The following RFC4 variants were observed in gnomAD, a reference collection of about 807,000 sequenced individuals.
RFC4 encodes the protein A1 37 kDa subunit.
A neutral mutation model predicts 47.6 loss-of-function variants in RFC4; 38 were observed. That is an observed-to-expected ratio of 0.80 (90% CI 0.62 to 1.05). RFC4 has a LOEUF of 1.05. RFC4 is among the 50% of genes least tolerant of loss of function. The probability of loss-of-function intolerance (pLI) is 0.00; values close to 1 mark genes in which losing one functional copy is unlikely to be tolerated. For synonymous variants in RFC4, 164 were observed against 150.0 expected (o/e 1.09, Z -0.68); for missense variants, 489 against 434.0 (o/e 1.13, Z -1.13).
chr3:186,794,862 TA>T, intron 4 of RFC4, 85 bp from the exon 5 acceptor site: 1 of 1,451,134 alleles, frequency 6.9e-7, no homozygotes, highest in Non-Finnish European at 9.5e-7. Flanking sequence ...TGCAGACGTT[TA>T]AAATCCACCT....
At chr3:186,794,798 T>C (rs1195586731) in intron 4 of RFC4, 21 bp from the exon 5 acceptor site, 10 of 1,612,710 alleles carry the variant, frequency 6.2e-6, no homozygotes, top group East Asian at 2.2e-5. Context: ...ATGAAACAAA[T>C]ATGAAACATA....
At chr3:186,795,181 C>T (rs1722218461) in intron 4 of RFC4, among the ~76,000 whole-genome samples, 1 of 152,074 alleles carries the variant, frequency 6.6e-6, no homozygotes, top group South Asian at 2.1e-4. Context: ...ATTTTGTTTA[C>T]TTTTTGTAGA....
chr3:186,797,408 T>TA, intron 4 of RFC4, 127 bp downstream of exon 4: 1 of 635,704 alleles, frequency 1.6e-6, no homozygotes, highest in Admixed American at 2.7e-5. Context: ...ATGGGATTTT[T>TA]AAAAATCAGA....
At chr3:186,791,695 A>G in intron 8 of RFC4, 30 bp downstream of exon 8, 1 of 1,609,544 alleles carries the variant, frequency 6.2e-7, no homozygotes, top group South Asian at 1.1e-5. Context: ...AGCCAACTAA[A>G]AAGAAATTCA....
At chr3:186,790,444 G>C in intron 8 of RFC4, 38 bp from the exon 9 acceptor site, 1 of 1,436,672 alleles carries the variant, frequency 7.0e-7, no homozygotes, top group Non-Finnish European at 9.8e-7. Flanking sequence ...GATGTTTCTA[G>C]GTGAGACTAG....
intron 2 of RFC4, among the ~76,000 whole-genome samples, chr3:186,804,124 A>T (rs1230980617): frequency 1.3e-5 from 2 of 152,128 alleles, no homozygotes; most frequent in African/African-American, 4.8e-5. Context: ...TGGAGGTTGC[A>T]GTGAGTCGAG....
chr3:186,790,114 C>G (rs757561093), intron 10 of RFC4, 28 bp downstream of exon 10: 2 of 1,603,174 alleles, frequency 1.2e-6, no homozygotes, highest in African/African-American at 1.3e-5. Context: ...TTAAATGTTC[C>G]ATTGACATGT....
intron 3 of RFC4, among the ~76,000 whole-genome samples, chr3:186,800,236 C>T (rs1423884334): frequency 1.3e-5 from 2 of 152,112 alleles, no homozygotes; most frequent in Admixed American, 6.5e-5. Context: ...GGATTACAGG[C>T]GTGAGCCACT....
intron 3 of RFC4, among the ~76,000 whole-genome samples, chr3:186,800,421 C>T (rs1041555267): frequency 6.6e-6 from 1 of 152,174 alleles, no homozygotes; most frequent in African/African-American, 2.4e-5. Context: ...TAATTAAAAG[C>T]AGCCAGATTG....
At chr3:186,791,002 G>C (rs866253151) in intron 8 of RFC4, among the ~76,000 whole-genome samples, 6 of 152,218 alleles carry the variant, frequency 3.9e-5, no homozygotes, top group African/African-American at 1.4e-4. Flanking sequence ...TTGTTAAGTA[G>C]TAGTGATTCT....
intron 3 of RFC4, among the ~76,000 whole-genome samples, chr3:186,799,170 G>C (rs1340727589): frequency 6.6e-6 from 1 of 152,012 alleles, no homozygotes; most frequent in East Asian, 1.9e-4. Context: ...TTGAAACAGG[G>C]TAAAATTATT....
intron 3 of RFC4, among the ~76,000 whole-genome samples, chr3:186,800,513 G>C (rs1722329522): frequency 6.6e-6 from 1 of 152,102 alleles, no homozygotes; most frequent in South Asian, 2.1e-4. Flanking sequence ...AGCACTTTGG[G>C]CATTCATCAT....
At chr3:186,792,752 G>C (rs1225228007) in intron 6 of RFC4, 52 bp downstream of exon 6, 2 of 1,565,622 alleles carry the variant, frequency 1.3e-6, no homozygotes, top group Non-Finnish European at 1.7e-6. Flanking sequence ...TTCCCTAATT[G>C]GGTTATGAAA....
At chr3:186,791,127 T>G (rs1722118954) in intron 8 of RFC4, among the ~76,000 whole-genome samples, 1 of 152,164 alleles carries the variant, frequency 6.6e-6, no homozygotes, top group Admixed American at 6.5e-5. Flanking sequence ...GGCAAAATAG[T>G]TTTCATGTAT....
chr3:186,798,088 T>A (rs1019543986), intron 3 of RFC4, among the ~76,000 whole-genome samples: 1 of 152,196 alleles, frequency 6.6e-6, no homozygotes, highest in African/African-American at 2.4e-5. Flanking sequence ...ATTAGGGCTT[T>A]GGATGAGCAG....
rs1301557897 is a variant in RFC4 at position 186,792,821 on chromosome 3, G to A, written c.537C>T (p.Ile179=). 6.2e-7 allele frequency: 1 copy of A among 1,613,466 alleles called. No individual in the cohort carries two copies. Among genetic ancestry groups the A allele is most frequent in the African/African-American group, 1.3e-5 (1 of 74,880 alleles). ...ATACATACCGACTGACATAGTTACA[G>A]ATAAGACAGAATCGGGTGGTTTTCG... The part of the protein sequence containing the change: ...KESKTTRFCL[I]CNYVSRIIEP... Residue 179 remains isoleucine (I), a synonymous_variant, in exon 6 of 11, where the codon ATC becomes ATT. Transcript: ENST00000296273.
chr3:186,792,630 C>T lies in RFC4; in HGVS notation c.555-20G>A, dbSNP rs1298171858. ...ATTATTCTGTGGAAGATGAGAAAAA[C>T]CAAGTTGGTGTCTAAAGAAAGAATT... On this transcript the variant is annotated intron_variant, in intron 6 of 10. Transcript: ENST00000296273. 1.2e-6 allele frequency: 2 copies of T among 1,600,070 alleles called. No homozygotes were observed. Among genetic ancestry groups the T allele is most frequent in the African/African-American group, 2.7e-5 (2 of 74,386 alleles).
At chr3:186,794,567 C>T in intron 5 of RFC4, 91 bp downstream of exon 5, 2 of 1,309,114 alleles carry the variant, frequency 1.5e-6, no homozygotes, top group South Asian at 1.4e-5. Context: ...CAGAAATACA[C>T]TTGATCTTAG....
intron 3 of RFC4, among the ~76,000 whole-genome samples, chr3:186,800,742 T>C (rs956188810): frequency 3.9e-5 from 6 of 152,224 alleles, no homozygotes; most frequent in South Asian, 2.1e-4. Context: ...CTCTTCTTTA[T>C]AGCACATATT....
Sources: allele counts gnomAD v4.1 joint callset (sites outside exome capture counted in the v4.1 genomes callset), GRCh38; gene constraint gnomAD v4.1.1; transcripts MANE v1.5; gene names NCBI Gene and HGNC (gene_info 2026-07-23, HGNC 2026-07-21).